The following TMEM132D variants were observed in gnomAD, a reference collection of about 807,000 sequenced individuals.
TMEM132D encodes the protein transmembrane protein 132D, also known as mature OL transmembrane protein.
TMEM132D carries 21 observed loss-of-function variants against 62.3 expected under a neutral mutation model. The ratio of observed to expected loss-of-function variants is 0.34; its 90% confidence interval spans 0.24 to 0.49. The LOEUF is 0.49. Ranked by LOEUF, TMEM132D falls within the 20% of genes least tolerant of loss-of-function variation. The pLI is 0.99. For missense variants in TMEM132D, 1,346 were observed against 1,402.8 expected, an observed-to-expected ratio of 0.96 and a Z score of 0.65; for synonymous variants, 621 against 575.6, an observed-to-expected ratio of 1.08 and a Z score of -1.13.
chr12:129,427,368 G>A (rs1023918548), intron 3 of TMEM132D, among the ~76,000 whole-genome samples: 6 of 148,318 alleles, frequency 4.0e-5, no homozygotes, highest in African/African-American at 1.2e-4. Context: ...AGAACACATG[G>A]ACACAGGAAG....
intron 1 of TMEM132D, among the ~76,000 whole-genome samples, chr12:129,752,875 A>G (rs1032179777): frequency 1.3e-5 from 2 of 152,202 alleles, no homozygotes; most frequent in Admixed American, 6.5e-5. Flanking sequence ...AGGAGGAAGG[A>G]GGTATCCTAA....
rs1182402852 is a variant in TMEM132D at position 129,406,537 on chromosome 12, G to A, written c.1116-68720C>T. On this transcript the variant is annotated intron_variant, in intron 3 of 8. Transcript: ENST00000422113. ...CGGGAGGCTAAGGCAGGAGAATGGC[G>A]TGAACCCGGGAGGCGGAGGTTGCAG... Among the ~76,000 whole-genome samples, 7 of 151,832 alleles carry A rather than the reference G, an allele frequency of 4.6e-5. No homozygotes were observed. The East Asian group carries it at 5.8e-4, about 13-fold the overall frequency.
chr12:129,220,675 C>G (rs1879323129), intron 4 of TMEM132D, among the ~76,000 whole-genome samples: 1 of 152,112 alleles, frequency 6.6e-6, no homozygotes, highest in African/African-American at 2.4e-5. Context: ...TATGCTTCAC[C>G]CCATCTCCCA....
intron 3 of TMEM132D, among the ~76,000 whole-genome samples, chr12:129,379,324 G>A (rs1342247435): frequency 6.6e-6 from 1 of 152,122 alleles, no homozygotes; most frequent in Admixed American, 6.5e-5. Flanking sequence ...TGTCTCCTAG[G>A]AGACAGCAAC....
intron 1 of TMEM132D, among the ~76,000 whole-genome samples, chr12:129,810,986 G>C (rs1016896856): frequency 6.6e-6 from 1 of 151,708 alleles, no homozygotes; most frequent in African/African-American, 2.4e-5. Flanking sequence ...ATTCAACAAG[G>C]GCGTCAACAC....
At chr12:129,394,776 A>T (rs1871377564) in intron 3 of TMEM132D, among the ~76,000 whole-genome samples, 1 of 152,246 alleles carries the variant, frequency 6.6e-6, no homozygotes, top group Non-Finnish European at 1.5e-5. Context: ...TTGACAGAAA[A>T]CATCCAGAAG....
intron 1 of TMEM132D, chr12:129,853,630 G>C (rs1256837875): frequency 1.3e-5 from 2 of 152,170 alleles, no homozygotes; most frequent in South Asian, 2.1e-4. Flanking sequence ...TGGCACATGG[G>C]AGGTCGTGGC....
intron 4 of TMEM132D, among the ~76,000 whole-genome samples, chr12:129,283,282 C>T (rs568305129): frequency 2.0e-5 from 3 of 152,338 alleles, no homozygotes; most frequent in African/African-American, 7.2e-5. Context: ...ACCTCTGCCT[C>T]CCAGGTTCAA....
chr12:129,513,592 C>G (rs11060381), intron 3 of TMEM132D, among the ~76,000 whole-genome samples: 42,054 of 150,774 alleles, frequency 0.28, 5,888 homozygotes, highest in East Asian at 0.51. Context: ...TCACGCCATT[C>G]TCCTGCCTCA....
In TMEM132D at chr12:129,476,078, G is replaced by A. The variant is rs989414641; in HGVS notation, c.1115+54981C>T. ...GCAGGACTGTGCTTTCTGTTGAATG[G>A]GACTGTCCTCCACACTGTGGGGGGT... On this transcript the variant is annotated intron_variant, in intron 3 of 8. Transcript: ENST00000422113. 5.9e-5 allele frequency among the ~76,000 whole-genome samples: 9 copies of A among 152,280 alleles called. No individual in the cohort carries two copies. The East Asian group carries it at 1.7e-3, about 29-fold the overall frequency.
In TMEM132D at chr12:129,209,515, C is replaced by G; in HGVS notation, c.1443+5G>C. 1 of 1,613,550 alleles carries G rather than the reference C, an allele frequency of 6.2e-7. No homozygotes were observed. Among genetic ancestry groups the G allele is most frequent in the Non-Finnish European group, 8.5e-7 (1 of 1,179,742 alleles). ...TTCTGCAGGGGCGGGGAGGTGTCAA[C>G]TTGCCTTAATCACGTCTTCATCAGA... On this transcript the variant is annotated splice_donor_5th_base_variant and intron_variant, in intron 5 of 8. Coordinates refer to ENST00000422113, the MANE Select transcript of TMEM132D (RefSeq NM_133448.3).
At chr12:129,134,305 G>A (rs998078625) in intron 5 of TMEM132D, among the ~76,000 whole-genome samples, 1 of 152,074 alleles carries the variant, frequency 6.6e-6, no homozygotes, top group African/African-American at 2.4e-5. Flanking sequence ...AATTACATCA[G>A]GCACTGGACT....
chr12:129,522,023 C>A (rs1036985673), intron 3 of TMEM132D, among the ~76,000 whole-genome samples: 1 of 151,912 alleles, frequency 6.6e-6, no homozygotes, highest in Non-Finnish European at 1.5e-5. Flanking sequence ...GTCAATTTGA[C>A]AGTATGTAAT....
In TMEM132D at chr12:129,826,462, G is replaced by A. The variant is rs370626303; in HGVS notation, c.79+76799C>T. On this transcript the variant is annotated intron_variant, in intron 1 of 8. Transcript: ENST00000422113. ...CTTGAGTCAGCCTTTCACCGTGCCTGTCGTTCCTCATGTCTCTAGAGGTAA... is the reference window on the plus strand; with the variant it reads ...CTTGAGTCAGCCTTTCACCGTGCCTATCGTTCCTCATGTCTCTAGAGGTAA... Among the ~76,000 whole-genome samples, 21 of 152,332 alleles carry A rather than the reference G, an allele frequency of 1.4e-4. No homozygotes were observed. The East Asian group carries it at 2.5e-3, about 18-fold the overall frequency.
chr12:129,650,975 T>C (rs1049773527), intron 2 of TMEM132D, among the ~76,000 whole-genome samples: 1 of 152,226 alleles, frequency 6.6e-6, no homozygotes, highest in Non-Finnish European at 1.5e-5. Flanking sequence ...TCAAAATCCA[T>C]ATTACCTTCT....
intron 2 of TMEM132D, among the ~76,000 whole-genome samples, chr12:129,546,141 C>T (rs1876725381): frequency 6.6e-6 from 1 of 151,572 alleles, no homozygotes; most frequent in African/African-American, 2.4e-5. Context: ...CTGGTTAAGA[C>T]TTCCACTGGC....
chr12:129,490,886 C>G (rs1481115294), intron 3 of TMEM132D, among the ~76,000 whole-genome samples: 1 of 152,064 alleles, frequency 6.6e-6, no homozygotes, highest in East Asian at 1.9e-4. Flanking sequence ...CTCCCTGTAG[C>G]TTCACATCCA....
chr12:129,256,852 C>G (rs185752806), intron 4 of TMEM132D, among the ~76,000 whole-genome samples: 2 of 152,048 alleles, frequency 1.3e-5, no homozygotes, highest in East Asian at 1.9e-4. Flanking sequence ...TGAGCCACCA[C>G]GCCCGGCCTG....
At chr12:129,392,156 C>T (rs1200742976) in intron 3 of TMEM132D, among the ~76,000 whole-genome samples, 1 of 152,104 alleles carries the variant, frequency 6.6e-6, no homozygotes, top group Admixed American at 6.6e-5. Flanking sequence ...CTCCCGGGTT[C>T]AAGTGATTCT....
Sources: gnomAD v4.1 joint callset for allele counts (sites outside exome capture counted in the v4.1 genomes callset) on GRCh38, gnomAD v4.1.1 for gene constraint, MANE v1.5 for transcripts, NCBI Gene and HGNC (gene_info 2026-07-23, HGNC 2026-07-21) for gene names.